MCC: variants seen among roughly 807,000 people sequenced by gnomAD.
The protein encoded by MCC is MCC regulator of Wnt signaling pathway, also known as colorectal mutant cancer protein.
MCC carries 90 observed loss-of-function variants against 116.2 expected under a neutral mutation model. The ratio of observed to expected loss-of-function variants is 0.77; its 90% CI spans 0.65 to 0.92. The LOEUF is 0.92. MCC is among the 40% of genes least tolerant of loss of function. The pLI, the probability that MCC is intolerant of heterozygous loss-of-function variation, is 0.00. For missense variants in MCC, 1,516 were observed against 1,312.2 expected, an observed-to-expected ratio of 1.16 and a Z score of -2.40; for synonymous variants, 578 against 510.5, an observed-to-expected ratio of 1.13 and a Z score of -1.78.
At chr5:113,223,575 G>A (rs774411877) in intron 3 of MCC, among the ~76,000 whole-genome samples, 4 of 152,220 alleles carry the variant, frequency 2.6e-5, no homozygotes, top group Non-Finnish European at 5.9e-5. Context: ...GGCAGTGGAA[G>A]TAGGGACTGG....
chr5:113,348,773 G>C (rs557956071), intron 2 of MCC, among the ~76,000 whole-genome samples: 2 of 151,896 alleles, frequency 1.3e-5, no homozygotes, highest in South Asian at 2.1e-4. Flanking sequence ...GCAGAAAGTT[G>C]GGTTTTTGAA....
chr5:113,242,185 A>C (rs1196105378), intron 3 of MCC, among the ~76,000 whole-genome samples: 1 of 152,246 alleles, frequency 6.6e-6, no homozygotes, highest in Non-Finnish European at 1.5e-5. Flanking sequence ...AAGATATTAA[A>C]TTCTTTCAGA....
At chr5:113,478,978 A>G (rs538414143) in intron 1 of MCC, among the ~76,000 whole-genome samples, 5 of 152,314 alleles carry the variant, frequency 3.3e-5, no homozygotes, top group Admixed American at 2.0e-4. Flanking sequence ...CTTATCTGAA[A>G]CAGATAATCC....
At chr5:113,319,522 A>G (rs1767366832) in intron 3 of MCC, among the ~76,000 whole-genome samples, 1 of 152,202 alleles carries the variant, frequency 6.6e-6, no homozygotes, top group African/African-American at 2.4e-5. Context: ...GCATGTTCCC[A>G]TTGGCTGAGC....
At chr5:113,083,211 C>G (rs1754980764) in intron 10 of MCC, among the ~76,000 whole-genome samples, 1 of 151,724 alleles carries the variant, frequency 6.6e-6, no homozygotes, top group Admixed American at 6.6e-5. Context: ...AAAAAAAAAC[C>G]AGGATCAAAA....
At chr5:113,283,942 C>T (rs899046697) in intron 3 of MCC, among the ~76,000 whole-genome samples, 1 of 152,178 alleles carries the variant, frequency 6.6e-6, no homozygotes, top group African/African-American at 2.4e-5. Flanking sequence ...AGATGAAGAC[C>T]TTTATGATGA....
rs556280852 is a variant in MCC, at chr5:113,037,949, G to C, written c.2756+5581C>G. Among the ~76,000 whole-genome samples the C allele has an allele frequency of 3.3e-5, 5 of 152,290 alleles. No individual in the cohort carries two copies. In the East Asian group the frequency reaches 9.7e-4, roughly 29 times the overall value. On this transcript the variant is annotated intron_variant, in intron 17 of 18. Transcript: ENST00000408903. The stretch of plus-strand genomic sequence containing the variant: ...CAATCTTGAGTGCCAAGGCACTGAA[G>C]GTGCTTATGCAGAGCACCCTAATCC...
intron 3 of MCC, among the ~76,000 whole-genome samples, chr5:113,228,583 T>C (rs59807191): frequency 0.066 from 10,001 of 151,770 alleles, 985 homozygotes; most frequent in African/African-American, 0.21. Context: ...AAGGTGGAGG[T>C]GGTGGTAGGG....
intron 5 of MCC, among the ~76,000 whole-genome samples, chr5:113,124,137 A>G (rs1411221017): frequency 6.6e-6 from 1 of 152,258 alleles, no homozygotes; most frequent in East Asian, 1.9e-4. Flanking sequence ...AGCTTTATGT[A>G]GATATAAAGC....
rs1322305788 is a variant in MCC at position 113,054,021 on chromosome 5, T to A, written c.2214-62A>T. ...GTTATTCCAAGTCATGGCAAATAGA[T>A]CTTTCCTCCTCACTCTTCTCCACAT... is the stretch of plus-strand genomic sequence containing the variant. On this transcript the variant is annotated intron_variant, in intron 14 of 18. Transcript: ENST00000408903. 3.4e-6 allele frequency: 4 copies of A among 1,166,738 alleles called. No individual in the cohort carries two copies. In the Admixed American group the frequency reaches 7.2e-5, roughly 21 times the overall value. The allele number at this position is 1,166,738 out of a possible 1,614,324, so 72.3% of individuals were successfully genotyped here.
chr5:113,121,057 T>C (rs1757706542), intron 6 of MCC, among the ~76,000 whole-genome samples: 1 of 152,232 alleles, frequency 6.6e-6, no homozygotes, highest in Admixed American at 6.5e-5. Flanking sequence ...CAAACTCTTA[T>C]GGGGCATACA....
At chr5:113,309,560 G>T (rs1438927860) in intron 3 of MCC, among the ~76,000 whole-genome samples, 3 of 151,760 alleles carry the variant, frequency 2.0e-5, no homozygotes, top group Non-Finnish European at 4.4e-5. Flanking sequence ...TTTTCCAATG[G>T]CTCAGTAGTA....
chr5:113,445,989 A>G (rs1455308010), intron 1 of MCC, among the ~76,000 whole-genome samples: 2 of 152,202 alleles, frequency 1.3e-5, no homozygotes, highest in African/African-American at 4.8e-5. Context: ...GACAAAAATA[A>G]TCAAGAGGAA....
chr5:113,264,786 T>C (rs978028815), intron 3 of MCC, among the ~76,000 whole-genome samples: 4 of 152,172 alleles, frequency 2.6e-5, no homozygotes, highest in African/African-American at 9.7e-5. Context: ...CTCAGGCCTG[T>C]AATCCCAGCA....
intron 8 of MCC, among the ~76,000 whole-genome samples, chr5:113,086,431 G>A (rs6886642): frequency 2.0e-3 from 300 of 152,248 alleles, no homozygotes; most frequent in Middle Eastern, 0.014. Context: ...GACATTGATG[G>A]AGCCAGCACC....
At chr5:113,243,166 G>GT (rs138727585) in intron 3 of MCC, among the ~76,000 whole-genome samples, 24,166 of 151,610 alleles carry the variant, frequency 0.16, 2,237 homozygotes, top group Admixed American at 0.29. Context: ...ATGTGTTTTT[G>GT]TTTTTTTTGT....
At chr5:113,063,173 G>T (rs1381756905) in intron 14 of MCC, among the ~76,000 whole-genome samples, 1 of 152,160 alleles carries the variant, frequency 6.6e-6, no homozygotes, top group East Asian at 1.9e-4. Context: ...AATTAAGTAA[G>T]AATCTCTAAC....
At chr5:113,286,127 T>C (rs1223677469) in intron 3 of MCC, among the ~76,000 whole-genome samples, 1 of 152,196 alleles carries the variant, frequency 6.6e-6, no homozygotes, top group African/African-American at 2.4e-5. Context: ...AAAGACCTCA[T>C]GGTCTCCCCA....
At chr5:113,148,254 G>C (rs1332943748) in intron 4 of MCC, among the ~76,000 whole-genome samples, 2 of 152,224 alleles carry the variant, frequency 1.3e-5, no homozygotes, top group East Asian at 1.9e-4. Context: ...TTTTCAGCCA[G>C]TAAGTTTATG....
Sources: gnomAD v4.1 joint callset for allele counts (sites outside exome capture counted in the v4.1 genomes callset) on GRCh38, gnomAD v4.1.1 for gene constraint, MANE v1.5 for transcripts, NCBI Gene and HGNC (gene_info 2026-07-23, HGNC 2026-07-21) for gene names.